The following ACAD10 variants were observed in gnomAD, a reference collection of about 807,000 sequenced individuals.
ACAD10 encodes acyl-CoA dehydrogenase family member 10.
ACAD10 carries 112 observed loss-of-function variants against 116.8 expected under a neutral mutation model. The observed-to-expected ratio is 0.96, with a 90% confidence interval of 0.82 to 1.12. The LOEUF (loss-of-function observed/expected upper bound fraction) is 1.12. ACAD10 is among the 50% of genes most tolerant of loss of function. The pLI is 0.00. For missense variants in ACAD10, 1,259 were observed against 1,350.2 expected (o/e 0.93, Z 1.06); for synonymous variants, 486 against 510.6 (o/e 0.95, Z 0.65).
chr12:111,733,413 G>C (rs1297451198), intron 10 of ACAD10, among the ~76,000 whole-genome samples: 2 of 152,044 alleles, frequency 1.3e-5, no homozygotes, highest in Non-Finnish European at 2.9e-5. Context: ...GGGGGCTCAG[G>C]GCTCCAAAAT....
chr12:111,687,876 T>C (rs1887920826), intron 1 of ACAD10, among the ~76,000 whole-genome samples: 1 of 152,044 alleles, frequency 6.6e-6, no homozygotes, highest in East Asian at 1.9e-4. Flanking sequence ...CCTTTTTTTT[T>C]TTTTGTATTT....
chr12:111,715,121 G>A (rs1261416090), intron 6 of ACAD10, among the ~76,000 whole-genome samples: 2 of 152,192 alleles, frequency 1.3e-5, no homozygotes, highest in African/African-American at 2.4e-5. Flanking sequence ...TGGATTATTG[G>A]TAGTGGCCTC....
Position 111,736,779 on chromosome 12 carries a change from A to C in ACAD10, c.1541-52A>C, listed in dbSNP as rs569968415. The stretch of plus-strand genomic sequence containing the variant: ...CAGAATTTAAATATTTGCCAGCCAC[A>C]GGGGCGTGTCACGTCAGTGACTACC... On this transcript the variant is annotated intron_variant, in intron 11 of 20. Transcript: ENST00000313698. The C allele has an allele frequency of 1.9e-4, 302 of 1,557,276 alleles. No homozygotes were observed. The Admixed American group carries it at 3.8e-3, about 20-fold the overall frequency.
intron 12 of ACAD10, among the ~76,000 whole-genome samples, chr12:111,744,277 C>T (rs1889827332): frequency 6.6e-6 from 1 of 151,960 alleles, no homozygotes; most frequent in African/African-American, 2.4e-5. Context: ...CTTCTTATAG[C>T]CCACTGGCAA....
rs1400632273 is a variant in ACAD10 at position 111,692,809 on chromosome 12, T to C, written c.100T>C (p.Trp34Arg). The C allele has an allele frequency of 1.5e-5, 24 of 1,614,220 alleles. No individual in the cohort carries two copies. Among genetic ancestry groups the C allele is most frequent in the Admixed American group, 6.7e-5 (4 of 60,014 alleles). ...GCGCAGGCACCAGGGGTCCCACCGA[T>C]GGACACACCTTGGAGGCAGCACCTA... ...TQRRHQGSHR[W>R]THLGGSTYRA... Residue 34 changes from tryptophan to arginine, a missense_variant, in exon 2 of 21, where the codon TGG becomes CGG. Trp to Arg is a moderately radical substitution (Grantham distance 101). Coordinates refer to ENST00000313698, the MANE Select transcript of ACAD10 (RefSeq NM_025247.6).
chr12:111,701,825 A>G (rs1446392603), intron 2 of ACAD10, among the ~76,000 whole-genome samples: 1 of 152,136 alleles, frequency 6.6e-6, no homozygotes, highest in African/African-American at 2.4e-5. Context: ...GTGCTTCCAT[A>G]GTCTCTGCCA....
chr12:111,703,841 C>T (rs1362865121), intron 3 of ACAD10, among the ~76,000 whole-genome samples: 4 of 151,312 alleles, frequency 2.6e-5, no homozygotes, highest in African/African-American at 4.9e-5. Flanking sequence ...GAGACTCCAT[C>T]TCAAAAACAA....
intron 10 of ACAD10, among the ~76,000 whole-genome samples, chr12:111,733,014 C>T (rs1047428917): frequency 2.0e-5 from 3 of 152,176 alleles, no homozygotes; most frequent in Non-Finnish European, 4.4e-5. Flanking sequence ...TATTAACAGC[C>T]GGGCTCCTTG....
At chr12:111,690,225 A>G (rs904992632) in intron 1 of ACAD10, among the ~76,000 whole-genome samples, 1 of 152,180 alleles carries the variant, frequency 6.6e-6, no homozygotes, top group Non-Finnish European at 1.5e-5. Flanking sequence ...ATATCTGCGT[A>G]TATATAATGA....
intron 14 of ACAD10, 41 bp downstream of exon 14, chr12:111,746,325 T>C (rs186067085): frequency 4.4e-6 from 7 of 1,586,384 alleles, no homozygotes; most frequent in Non-Finnish European, 6.0e-6. Context: ...GGGAACATCC[T>C]GATCTTCATA....
At chr12:111,709,061 T>A (rs1383014778) in intron 4 of ACAD10, among the ~76,000 whole-genome samples, 7 of 149,686 alleles carry the variant, frequency 4.7e-5, no homozygotes, top group Non-Finnish European at 8.9e-5. Context: ...AAAAAAAAAA[T>A]GGCGAAATGC....
intron 7 of ACAD10, among the ~76,000 whole-genome samples, chr12:111,717,026 G>A (rs573651077): frequency 1.8e-4 from 28 of 152,168 alleles, no homozygotes; most frequent in East Asian, 1.2e-3. Context: ...TAAATGCTTC[G>A]AATGTCTGTT....
rs989345422 is a variant in ACAD10 at position 111,749,239 on chromosome 12, G to C, written c.2711G>C (p.Gly904Ala). 10 of 1,614,020 alleles carry C rather than the reference G, an allele frequency of 6.2e-6. No individual in the cohort carries two copies. The African/African-American group carries it at 1.2e-4, about 19-fold the overall frequency. ...VPKENMVLGP[G>A]RGFEIAQGRL... The stretch of plus-strand genomic sequence containing the variant: ...AAAGAGAACATGGTCCTGGGCCCTG[G>C]CCGAGGCTTTGAGATCGCCCAGGGC... Residue 904 changes from glycine to alanine, a missense_variant, in exon 18 of 21, where the codon GGC becomes GCC. Transcript: ENST00000313698.
intron 3 of ACAD10, among the ~76,000 whole-genome samples, chr12:111,704,795 C>T (rs1442792315): frequency 6.7e-6 from 1 of 148,482 alleles, no homozygotes; most frequent in Non-Finnish European, 1.5e-5. Context: ...TCAAGCAATT[C>T]TCCTGCCTCA....
At chr12:111,714,832 C>G (rs1593028635) in intron 6 of ACAD10, among the ~76,000 whole-genome samples, 1 of 151,984 alleles carries the variant, frequency 6.6e-6, no homozygotes, top group East Asian at 1.9e-4. Context: ...CCTGCCTCAG[C>G]CTCCCGAGTA....
intron 20 of ACAD10, 22 bp from the exon 21 acceptor site, chr12:111,756,311 C>T (rs1416383025): frequency 6.4e-7 from 1 of 1,572,164 alleles, no homozygotes; most frequent in Non-Finnish European, 8.6e-7. Context: ...AGGGCCGCCT[C>T]CCTCCACTCT....
intron 2 of ACAD10, among the ~76,000 whole-genome samples, chr12:111,699,540 G>T (rs1413139590): frequency 1.3e-5 from 2 of 151,860 alleles, no homozygotes; most frequent in Non-Finnish European, 2.9e-5. Context: ...GCTTTTTTTT[G>T]ACTCAGTATG....
At chr12:111,706,782 A>ATATATTT (rs778649893) in intron 4 of ACAD10, among the ~76,000 whole-genome samples, 1 of 126,500 alleles carries the variant, frequency 7.9e-6, no homozygotes, top group African/African-American at 3.2e-5. Flanking sequence ...ATATATATAT[A>ATATATTT]TTTTTTTTTT....
intron 2 of ACAD10, among the ~76,000 whole-genome samples, chr12:111,700,164 G>A (rs1366444680): frequency 6.6e-6 from 1 of 152,156 alleles, no homozygotes; most frequent in East Asian, 1.9e-4. Context: ...GGCCAGCCTG[G>A]GCAACACAGC....
Sources: gnomAD v4.1 joint callset for allele counts (sites outside exome capture counted in the v4.1 genomes callset) on GRCh38, gnomAD v4.1.1 for gene constraint, MANE v1.5 for transcripts, NCBI Gene and HGNC (gene_info 2026-07-23, HGNC 2026-07-21) for gene names.